Variants in AFF1 observed in about 807,000 individuals in gnomAD.
The protein encoded by AFF1 is ALF transcription elongation factor 1, also known as AF4/FMR2 family member 1.
A neutral mutation model predicts 121.7 loss-of-function variants in AFF1; 48 were observed. The ratio of observed to expected loss-of-function variants is 0.39; its 90% CI spans 0.31 to 0.50. The LOEUF (loss-of-function observed/expected upper bound fraction) is 0.50. Among genes scored for constraint, AFF1 ranks in the 20% least tolerant of loss-of-function variants. The pLI is 0.76. For synonymous variants in AFF1, 613 were observed against 563.0 expected, an observed-to-expected ratio of 1.09 and a Z score of -1.26; for missense variants, 1,523 against 1,511.7, an observed-to-expected ratio of 1.01 and a Z score of -0.12.
At chr4:87,053,861 A>G (rs1017526443) in intron 4 of AFF1, among the ~76,000 whole-genome samples, 6 of 152,254 alleles carry the variant, frequency 3.9e-5, no homozygotes, top group Admixed American at 2.0e-4. Flanking sequence ...TCTAAGAGCT[A>G]TAAGAGGGGA....
At chr4:87,059,785 G>T (rs548266624) in intron 4 of AFF1, among the ~76,000 whole-genome samples, 14 of 152,306 alleles carry the variant, frequency 9.2e-5, no homozygotes, top group African/African-American at 3.4e-4. Flanking sequence ...CCGCTGCCCA[G>T]GCCCGAGTTT....
At chr4:87,016,743 A>G (rs980736291) in intron 2 of AFF1, among the ~76,000 whole-genome samples, 6 of 152,096 alleles carry the variant, frequency 3.9e-5, no homozygotes, top group African/African-American at 1.4e-4. Context: ...CCCCACCACC[A>G]TAACCTACTT....
chr4:87,101,041 C>G (rs894617512), intron 8 of AFF1, among the ~76,000 whole-genome samples: 4 of 152,086 alleles, frequency 2.6e-5, no homozygotes, highest in Admixed American at 2.0e-4. Context: ...ATCTTGTTAC[C>G]CCATAATTCC....
chr4:87,031,252 T>C (rs2149583313), intron 2 of AFF1, among the ~76,000 whole-genome samples: 1 of 152,278 alleles, frequency 6.6e-6, no homozygotes, highest in Non-Finnish European at 1.5e-5. Flanking sequence ...CCCTACAAAC[T>C]TAAGTGCTGT....
At chr4:86,938,546 A>G (rs1185910316) in intron 1 of AFF1, among the ~76,000 whole-genome samples, 1 of 152,176 alleles carries the variant, frequency 6.6e-6, no homozygotes, top group African/African-American at 2.4e-5. Flanking sequence ...AATAAATTCA[A>G]CAATGGTTTC....
intron 4 of AFF1, among the ~76,000 whole-genome samples, chr4:87,054,903 G>GC (rs754624791): frequency 1.4e-4 from 21 of 151,888 alleles, no homozygotes; most frequent in African/African-American, 3.1e-4. Flanking sequence ...TCTCCCTACC[G>GC]CCCCCCACAC....
chr4:87,131,242 T>G, intron 17 of AFF1, 23 bp downstream of exon 17: 2 of 1,613,138 alleles, frequency 1.2e-6, no homozygotes, highest in Non-Finnish European at 1.7e-6. Flanking sequence ...TCATTGTGCT[T>G]TCCTCTTAAG....
At chr4:87,109,842 T>G (rs1347279691) in intron 11 of AFF1, among the ~76,000 whole-genome samples, 4 of 152,216 alleles carry the variant, frequency 2.6e-5, no homozygotes, top group Admixed American at 1.3e-4. Flanking sequence ...TCTTTTAAAA[T>G]CACTTTAATA....
chr4:87,048,823 C>G (rs1730979399), intron 4 of AFF1, among the ~76,000 whole-genome samples: 1 of 152,044 alleles, frequency 6.6e-6, no homozygotes, highest in South Asian at 2.1e-4. Flanking sequence ...AGGAGTAAAA[C>G]CAATGGCAGA....
intron 14 of AFF1, among the ~76,000 whole-genome samples, chr4:87,126,681 T>C (rs541706933): frequency 6.6e-6 from 1 of 152,130 alleles, no homozygotes; most frequent in African/African-American, 2.4e-5. Flanking sequence ...TTGGTTATAG[T>C]GGGGAAAAAA....
chr4:87,029,731 G>A lies in AFF1; in HGVS notation c.39-16435G>A, dbSNP rs112394645. 1.0e-3 allele frequency among the ~76,000 whole-genome samples: 153 copies of A among 152,176 alleles called. 1 individual carries two copies. The highest frequency in any genetic ancestry group is 6.8e-3 in the Middle Eastern group (2 of 294). On this transcript the variant is annotated intron_variant, in intron 2 of 20. Coordinates refer to ENST00000395146, the MANE Select transcript of AFF1 (RefSeq NM_001166693.3). ...TATAAAGAATTGTAGTGTTAAGTCC[G>A]TTATTCACTTTAAGATGCAGCCAGA...
At chr4:87,087,998 A>G (rs375901535) in intron 5 of AFF1, among the ~76,000 whole-genome samples, 1 of 152,214 alleles carries the variant, frequency 6.6e-6, no homozygotes, top group African/African-American at 2.4e-5. Context: ...AAAAGTTGTA[A>G]TGCTTTTAAT....
rs554617644 is a variant in AFF1 at position 86,971,799 on chromosome 4, A to G, written c.38+23228A>G. Among the ~76,000 whole-genome samples the G allele has an allele frequency of 6.3e-4, 96 of 152,298 alleles. 2 individuals carry two copies. The South Asian group carries it at 0.016, about 26-fold the overall frequency. On this transcript the variant is annotated intron_variant, in intron 2 of 20. Transcript: ENST00000395146. Reference sequence around the variant, plus strand: ...TGAATTATGAGTGGACAGTATGGGAAAGCCTTCCTGAATGAGACAGCAGGT... The same window carrying G: ...TGAATTATGAGTGGACAGTATGGGAGAGCCTTCCTGAATGAGACAGCAGGT...
intron 8 of AFF1, among the ~76,000 whole-genome samples, chr4:87,100,842 A>G (rs565035723): frequency 2.0e-5 from 3 of 152,226 alleles, no homozygotes; most frequent in African/African-American, 7.2e-5. Flanking sequence ...GATTTAATCT[A>G]CTGATTTAAC....
At chr4:87,026,061 C>CTTTT (rs34793575) in intron 2 of AFF1, among the ~76,000 whole-genome samples, 3,076 of 109,660 alleles carry the variant, frequency 0.028, 275 homozygotes, top group African/African-American at 0.11. Flanking sequence ...AGAGACCATG[C>CTTTT]TTTTTTTTTT....
intron 2 of AFF1, among the ~76,000 whole-genome samples, chr4:87,030,083 C>T (rs919046361): frequency 6.6e-6 from 1 of 151,862 alleles, no homozygotes; most frequent in Non-Finnish European, 1.5e-5. Flanking sequence ...GTATATTTTA[C>T]AAGAAGTTAT....
At chr4:87,038,247 G>A (rs1729763802) in intron 2 of AFF1, among the ~76,000 whole-genome samples, 8 of 152,126 alleles carry the variant, frequency 5.3e-5, no homozygotes, top group South Asian at 2.1e-4. Context: ...ACCCTGGGAC[G>A]ATTTAGCTGA....
In AFF1 at chr4:87,045,188, G is replaced by A. The variant is rs79002023; in HGVS notation, c.39-978G>A. On this transcript the variant is annotated intron_variant, in intron 2 of 20. Coordinates refer to ENST00000395146, the MANE Select transcript of AFF1 (RefSeq NM_001166693.3). ...GCTAGAATTTCCGAAGGTACTGACCGACAGCCTTAACTAGACAATCAAATA... is the reference window on the plus strand; with the variant it reads ...GCTAGAATTTCCGAAGGTACTGACCAACAGCCTTAACTAGACAATCAAATA... 5.0e-4 allele frequency among the ~76,000 whole-genome samples: 76 copies of A among 152,284 alleles called. No homozygotes were observed. The East Asian group carries it at 0.013, about 26-fold the overall frequency.
At chr4:87,010,863 C>T (rs183599638) in intron 2 of AFF1, among the ~76,000 whole-genome samples, 48 of 152,144 alleles carry the variant, frequency 3.2e-4, no homozygotes, top group Non-Finnish European at 6.2e-4. Flanking sequence ...CCGAGGCAGG[C>T]GGATCACGAG....
Sources: gnomAD v4.1 joint callset for allele counts (sites outside exome capture counted in the v4.1 genomes callset) on GRCh38, gnomAD v4.1.1 for gene constraint, MANE v1.5 for transcripts, NCBI Gene and HGNC (gene_info 2026-07-23, HGNC 2026-07-21) for gene names.